IL1RAPL1: variants seen among roughly 807,000 people sequenced by gnomAD.
IL1RAPL1 encodes interleukin-1 receptor accessory protein-like 1.
In IL1RAPL1, 3 loss-of-function variants were observed where a neutral mutation model predicts 48.4. The ratio of observed to expected loss-of-function variants is 0.06; its 90% CI spans 0.03 to 0.16. The LOEUF (loss-of-function observed/expected upper bound fraction) is 0.16. Among genes scored for constraint, IL1RAPL1 ranks in the 10% least tolerant of loss-of-function variants. IL1RAPL1 has a pLI of 1.00. For missense variants in IL1RAPL1, 349 were observed against 530.6 expected (o/e 0.66, Z 3.36); for synonymous variants, 185 against 187.7 (o/e 0.99, Z 0.12).
chrX:29,239,195 TA>T (rs1931362306), intron 2 of IL1RAPL1, among the ~76,000 whole-genome samples: 1 of 112,070 alleles, frequency 8.9e-6, no homozygotes, highest in African/African-American at 3.2e-5. Context: ...TTAAAATTTA[TA>T]GTCTGACTCA....
At chrX:28,672,576 C>A (rs1049016320) in intron 1 of IL1RAPL1, among the ~76,000 whole-genome samples, 1 of 110,853 alleles carries the variant, frequency 9.0e-6, no homozygotes, top group African/African-American at 3.3e-5. Context: ...GGCCCTGGCA[C>A]CCTATCTAAC....
At chrX:28,814,341 TTGTGTGTGTGTGTGTGTGTG>T (rs753090480) in intron 2 of IL1RAPL1, among the ~76,000 whole-genome samples, 1 of 89,749 alleles carries the variant, frequency 1.1e-5, no homozygotes, top group African/African-American at 4.2e-5. Context: ...ATTTTCAGGT[TTGTGTGTGTGTGTGTGTGTG>T]TGTGTGTGTG....
intron 5 of IL1RAPL1, among the ~76,000 whole-genome samples, chrX:29,607,413 A>T (rs778315377): frequency 1.8e-5 from 2 of 112,195 alleles, no homozygotes; most frequent in South Asian, 3.8e-4. Flanking sequence ...TATGTTCAAG[A>T]TCAAATATGA....
At chrX:29,696,589 A>G (rs1009851387) in intron 6 of IL1RAPL1, among the ~76,000 whole-genome samples, 3 of 112,020 alleles carry the variant, frequency 2.7e-5, no homozygotes, top group Admixed American at 1.9e-4. Context: ...CCTACCTAGC[A>G]TGGAAGACAT....
intron 3 of IL1RAPL1, among the ~76,000 whole-genome samples, chrX:29,350,717 C>T (rs754456466): frequency 2.2e-4 from 24 of 109,736 alleles, no homozygotes; most frequent in Non-Finnish European, 3.8e-4. Context: ...ACTTGTGACT[C>T]GGAACTGGAA....
chrX:29,298,593 G>A (rs959695349), intron 3 of IL1RAPL1, among the ~76,000 whole-genome samples: 1 of 111,662 alleles, frequency 9.0e-6, no homozygotes, highest in Admixed American at 9.5e-5. Flanking sequence ...GTAGCATGAT[G>A]CATTGCCCCA....
intron 3 of IL1RAPL1, among the ~76,000 whole-genome samples, chrX:29,288,610 G>A (rs1302109221): frequency 8.9e-6 from 1 of 111,983 alleles, no homozygotes; most frequent in Non-Finnish European, 1.9e-5. Flanking sequence ...GAGTAGTGCT[G>A]CAATGAACAT....
intron 3 of IL1RAPL1, among the ~76,000 whole-genome samples, chrX:29,333,803 C>G (rs1173868897): frequency 1.2e-5 from 1 of 82,313 alleles, no homozygotes; most frequent in Non-Finnish European, 2.5e-5. Context: ...GGCCGACCCC[C>G]CCCCCCGCCT....
At chrX:28,987,096 G>A (rs1035010730) in intron 2 of IL1RAPL1, among the ~76,000 whole-genome samples, 3 of 112,428 alleles carry the variant, frequency 2.7e-5, no homozygotes, top group African/African-American at 9.7e-5. Flanking sequence ...CCTATGATCG[G>A]TGCCTCCTTA....
intron 6 of IL1RAPL1, among the ~76,000 whole-genome samples, chrX:29,838,942 G>A (rs1174988592): frequency 1.8e-5 from 2 of 111,711 alleles, no homozygotes; most frequent in Non-Finnish European, 3.8e-5. Context: ...AGCTGGCATG[G>A]CTTGCCTCTG....
At chrX:29,259,426 T>G (rs1302293772) in intron 2 of IL1RAPL1, among the ~76,000 whole-genome samples, 1 of 111,070 alleles carries the variant, frequency 9.0e-6, no homozygotes, top group East Asian at 2.8e-4. Context: ...GGATATTTAT[T>G]TAAGCAACTG....
intron 6 of IL1RAPL1, among the ~76,000 whole-genome samples, chrX:29,708,203 C>T (rs1927252290): frequency 9.0e-6 from 1 of 110,938 alleles, no homozygotes. Context: ...AAGAGTCACT[C>T]AAGCTAATAA....
intron 3 of IL1RAPL1, among the ~76,000 whole-genome samples, chrX:29,357,551 A>G (rs1368984502): frequency 3.6e-5 from 4 of 112,298 alleles, no homozygotes; most frequent in African/African-American, 1.3e-4. Context: ...CTTCCTCCAA[A>G]TAAACAGCCC....
At chrX:29,616,550 A>G (rs777553702) in intron 5 of IL1RAPL1, among the ~76,000 whole-genome samples, 2 of 101,668 alleles carry the variant, frequency 2.0e-5, no homozygotes, top group African/African-American at 7.4e-5. Flanking sequence ...TCATTGTTCA[A>G]TTCCCACCTA....
intron 6 of IL1RAPL1, among the ~76,000 whole-genome samples, chrX:29,847,229 A>G (rs1312292650): frequency 8.9e-6 from 1 of 111,975 alleles, no homozygotes; most frequent in Non-Finnish European, 1.9e-5. Flanking sequence ...GCTTTGAAAT[A>G]TGCTTATAGA....
At chrX:29,221,620 TACACACACAC>T (rs35088625) in intron 2 of IL1RAPL1, among the ~76,000 whole-genome samples, 19,556 of 78,848 alleles carry the variant, frequency 0.25, 2,046 homozygotes, top group Non-Finnish European at 0.36. Flanking sequence ...TACACACACA[TACACACACAC>T]ACACACACAC....
intron 5 of IL1RAPL1, among the ~76,000 whole-genome samples, chrX:29,585,140 A>C (rs1305096676): frequency 8.9e-6 from 1 of 112,203 alleles, no homozygotes; most frequent in Non-Finnish European, 1.9e-5. Context: ...AATGTTATAC[A>C]ACAGATCTTT....
Position 28,938,677 on chromosome X carries a change from G to C in IL1RAPL1, c.82+149252G>C, listed in dbSNP as rs188896632. ...CGACAAAAGCAAAAAATTGAAAAAC[G>C]GTATCTAATTAAACTTAAGAGCTTC... On this transcript the variant is annotated intron_variant, in intron 2 of 10. Coordinates refer to ENST00000378993, the MANE Select transcript of IL1RAPL1 (RefSeq NM_014271.4). 1.3e-4 allele frequency among the ~76,000 whole-genome samples: 14 copies of C among 111,330 alleles called. No homozygotes were observed. In the East Asian group the frequency reaches 3.9e-3, roughly 31 times the overall value.
intron 1 of IL1RAPL1, among the ~76,000 whole-genome samples, chrX:28,595,343 G>A (rs1421743098): frequency 8.9e-6 from 1 of 112,319 alleles, no homozygotes; most frequent in Non-Finnish European, 1.9e-5. Context: ...TTTGACAAAT[G>A]AATCATCGTT....
Sources: allele counts gnomAD v4.1 joint callset (sites outside exome capture counted in the v4.1 genomes callset), GRCh38; gene constraint gnomAD v4.1.1; transcripts MANE v1.5; gene names NCBI Gene and HGNC (gene_info 2026-07-23, HGNC 2026-07-21).